Variants in APBA2 observed in about 807,000 individuals in gnomAD.
The protein encoded by APBA2 is amyloid beta precursor protein binding family A member 2.
In APBA2, 30 loss-of-function variants were observed where a neutral mutation model predicts 75.0. That is an observed-to-expected ratio of 0.40 (90% CI 0.30 to 0.54). The LOEUF (loss-of-function observed/expected upper bound fraction) is 0.54. Among genes scored for constraint, APBA2 ranks in the 20% least tolerant of loss-of-function variants. The pLI is 0.49. For synonymous variants in APBA2, 444 were observed against 409.6 expected (o/e 1.08, Z -1.01); for missense variants, 801 against 1,016.1 (o/e 0.79, Z 2.88).
In APBA2 at chr15:29,115,289, T is replaced by C. The variant is rs76522051; in HGVS notation, c.2178+1273T>C. ...GTGGAGGGGTCTCTAGTTCCTGTTC[T>C]TCGGATGAGGTCTCCAGGAGCCACA... On this transcript the variant is annotated intron_variant, in intron 14 of 14. Transcript: ENST00000683413. 1.4e-4 allele frequency among the ~76,000 whole-genome samples: 22 copies of C among 152,054 alleles called. No individual in the cohort carries two copies. The East Asian group carries it at 3.3e-3, about 23-fold the overall frequency.
At position 29,113,993 on chromosome 15, in the gene APBA2, G is replaced by A. The variant is rs1006290570; in HGVS notation, c.2155G>A (p.Ala719Thr). The A allele has an allele frequency of 3.7e-6, 6 of 1,613,750 alleles. No individual in the cohort carries two copies. The East Asian group carries it at 8.9e-5, about 24-fold the overall frequency. The change falls in exon 14 of 15, where the codon GCT becomes ACT. Residue 719 changes from alanine to threonine, a missense_variant. Physicochemically the swap from Ala to Thr is moderately conservative, Grantham distance 58 (BLOSUM62 0). Transcript: ENST00000683413. ...CACAGCCCACGAGAAGATAGTCCAAGCTCTGTCCAACTCGGTCGGAGAGGT... is the reference window on the plus strand; with the variant it reads ...CACAGCCCACGAGAAGATAGTCCAAACTCTGTCCAACTCGGTCGGAGAGGT... ...VATAHEKIVQ[A>T]LSNSVGEIHM...
At chr15:29,115,100 G>GCA (rs772872856) in intron 14 of APBA2, among the ~76,000 whole-genome samples, 50 of 152,008 alleles carry the variant, frequency 3.3e-4, no homozygotes, top group Non-Finnish European at 5.6e-4. Context: ...GGGAGGCTGA[G>GCA]AGCTGAGGAG....
chr15:29,016,780 G>T (rs2039682329), intron 3 of APBA2, among the ~76,000 whole-genome samples: 1 of 151,968 alleles, frequency 6.6e-6, no homozygotes, highest in African/African-American at 2.4e-5. Context: ...TGGTGTCTGG[G>T]CTTTTCTTTC....
chr15:29,022,999 C>T (rs1202994835), intron 3 of APBA2, among the ~76,000 whole-genome samples: 1 of 152,072 alleles, frequency 6.6e-6, no homozygotes, highest in African/African-American at 2.4e-5. Flanking sequence ...TTGGTTGTTG[C>T]TGGTGCTTAG....
At chr15:29,049,870 T>G (rs960800216) in intron 3 of APBA2, among the ~76,000 whole-genome samples, 2 of 152,132 alleles carry the variant, frequency 1.3e-5, no homozygotes, top group Non-Finnish European at 2.9e-5. Context: ...GCTATGAGTG[T>G]AAAGTTCAGT....
chr15:29,042,112 G>A (rs77661350), intron 3 of APBA2, among the ~76,000 whole-genome samples: 4 of 152,138 alleles, frequency 2.6e-5, no homozygotes, highest in Non-Finnish European at 5.9e-5. Context: ...GTTTGCTGGC[G>A]ATCTTTGATG....
chr15:29,106,858 AC>A, intron 12 of APBA2, 39 bp downstream of exon 12: 1 of 1,572,732 alleles, frequency 6.4e-7, no homozygotes, highest in Middle Eastern at 1.7e-4. Flanking sequence ...GGTCACCTCA[AC>A]CCTGCCTCAC....
intron 6 of APBA2, among the ~76,000 whole-genome samples, chr15:29,085,512 A>G (rs7181241): frequency 0.056 from 8,356 of 148,258 alleles, 645 homozygotes; most frequent in African/African-American, 0.17. Flanking sequence ...GCGACAGAGT[A>G]AGACTCCATC....
intron 2 of APBA2, among the ~76,000 whole-genome samples, chr15:28,979,003 A>G (rs1271876120): frequency 1.3e-5 from 2 of 152,194 alleles, no homozygotes; most frequent in African/African-American, 4.8e-5. Flanking sequence ...CTCTCTGGCT[A>G]TCTGGCTACA....
intron 3 of APBA2, among the ~76,000 whole-genome samples, chr15:29,007,062 A>C (rs1394972598): frequency 6.6e-6 from 1 of 152,244 alleles, no homozygotes; most frequent in Non-Finnish European, 1.5e-5. Flanking sequence ...AAAGACAGAC[A>C]TACAGACGAA....
chr15:29,070,930 C>G (rs2042592326), intron 4 of APBA2: 5 of 370,778 alleles, frequency 1.3e-5, no homozygotes, highest in South Asian at 1.0e-4. Flanking sequence ...CCCAGGACTT[C>G]TCTGTCACAG....
At chr15:29,067,197 A>AG (rs1445418347) in intron 4 of APBA2, among the ~76,000 whole-genome samples, 4 of 152,188 alleles carry the variant, frequency 2.6e-5, no homozygotes, top group Admixed American at 2.6e-4. Flanking sequence ...ACCTCCTACC[A>AG]GGCCCCACTT....
Position 28,918,532 on chromosome 15 carries a change from C to T in APBA2, c.-204-3108C>T, listed in dbSNP as rs552491298. On this transcript the variant is annotated intron_variant, in intron 1 of 14. Coordinates refer to ENST00000683413, the MANE Select transcript of APBA2 (RefSeq NM_001353788.2). This position sits in a 1 kb window ranked among gnomAD's most constrained non-coding sequence, Gnocchi z 4.2. ...CCGGTGCTCTTCTCCACCAGCCTTC[C>T]CTTTGGTCGCCCCCTGGCGTCCGCG... Among the ~76,000 whole-genome samples, 41 of 151,826 alleles carry T rather than the reference C, an allele frequency of 2.7e-4. No individual in the cohort carries two copies. The highest frequency in any genetic ancestry group is 5.4e-4 in the Non-Finnish European group (37 of 67,986).
At chr15:29,109,610 G>T (rs2044622365) in intron 13 of APBA2, among the ~76,000 whole-genome samples, 1 of 152,170 alleles carries the variant, frequency 6.6e-6, no homozygotes, top group Admixed American at 6.5e-5. Flanking sequence ...AGTGGCCCTT[G>T]TCATTTCTGC....
Position 29,074,966 on chromosome 15 carries a change from C to T in APBA2, c.997C>T (p.Leu333Phe). The T allele has an allele frequency of 6.2e-7, 1 of 1,614,160 alleles. No individual in the cohort carries two copies. The highest frequency in any genetic ancestry group is 1.1e-5 in the South Asian group (1 of 91,062). The change falls in exon 5 of 15, where the codon CTC (leucine) becomes TTC (phenylalanine). Residue 333 changes from leucine (L) to phenylalanine (F), a missense_variant. Coordinates refer to ENST00000683413, the MANE Select transcript of APBA2 (RefSeq NM_001353788.2). ...GCCAAGGAAGCAGCAGCGCTCTGATCTCAATGGACCTGTTGACAATAACAA... is the reference window on the plus strand; with the variant it reads ...GCCAAGGAAGCAGCAGCGCTCTGATTTCAATGGACCTGTTGACAATAACAA... ...EQPRKQQRSD[L>F]NGPVDNNNIP...
At position 29,106,835 on chromosome 15, in the gene APBA2, T is replaced by TCCTC; in HGVS notation, c.1917+18_1917+21dup. ...CATCATCAAGGTAGGCACCCTGGGATCCTCCGCCCAGGGGTCACCTCAACC... is the reference window on the plus strand; with the variant it reads ...CATCATCAAGGTAGGCACCCTGGGATCCTCCCTCCGCCCAGGGGTCACCTCAACC... On this transcript the variant is annotated intron_variant, in intron 12 of 14. Coordinates refer to ENST00000683413, the MANE Select transcript of APBA2 (RefSeq NM_001353788.2). The TCCTC allele has an allele frequency of 6.2e-7, 1 of 1,609,252 alleles. No individual in the cohort carries two copies. The highest frequency in any genetic ancestry group is 8.5e-7 in the Non-Finnish European group (1 of 1,176,872).
intron 4 of APBA2, among the ~76,000 whole-genome samples, chr15:29,064,105 C>T (rs1162905563): frequency 6.6e-6 from 1 of 152,130 alleles, no homozygotes; most frequent in Non-Finnish European, 1.5e-5. Context: ...CAAGGGCTGC[C>T]CTGATTTTCT....
chr15:29,019,540 T>A (rs1002599772), intron 3 of APBA2, among the ~76,000 whole-genome samples: 1 of 152,204 alleles, frequency 6.6e-6, no homozygotes, highest in Non-Finnish European at 1.5e-5. Flanking sequence ...CATTTATGCA[T>A]GTGTAGATGT....
At chr15:29,014,818 C>T (rs1238158097) in intron 3 of APBA2, among the ~76,000 whole-genome samples, 1 of 151,884 alleles carries the variant, frequency 6.6e-6, no homozygotes, top group African/African-American at 2.4e-5. Context: ...AAGTGATCCT[C>T]CTGCCTGTCT....
Sources: allele counts gnomAD v4.1 joint callset (sites outside exome capture counted in the v4.1 genomes callset), GRCh38; gene constraint gnomAD v4.1.1; non-coding constraint Gnocchi (gnomAD v3.1); transcripts MANE v1.5; gene names NCBI Gene and HGNC (gene_info 2026-07-23, HGNC 2026-07-21).